Variants in TMEM18 observed in about 807,000 individuals in gnomAD.
The protein encoded by TMEM18 is transmembrane protein 18.
A neutral mutation model predicts 17.4 loss-of-function variants in TMEM18; 14 were observed. The observed-to-expected ratio is 0.80, with a 90% CI of 0.53 to 1.25. The LOEUF is 1.25. Among genes scored for constraint, TMEM18 ranks in the 50% most tolerant of loss-of-function variants. The pLI, the probability that TMEM18 is intolerant of heterozygous loss-of-function variation, is 0.00. For missense variants in TMEM18, 187 were observed against 172.1 expected (o/e 1.09, Z -0.48); for synonymous variants, 86 against 66.1 (o/e 1.30, Z -1.46).
At chr2:677,025 G>A (rs1250666396) in intron 1 of TMEM18, among the ~76,000 whole-genome samples, 1 of 105,160 alleles carries the variant, frequency 9.5e-6, no homozygotes, top group Non-Finnish European at 1.9e-5. Context: ...CAACGGCCCA[G>A]GACCCCGCCT....
chr2:673,136 C>T (rs916169787), intron 2 of TMEM18, among the ~76,000 whole-genome samples: 2 of 152,160 alleles, frequency 1.3e-5, no homozygotes, highest in African/African-American at 4.8e-5. Context: ...AGGAGCCGCC[C>T]GAGGCCCCAG....
chr2:671,442 C>T (rs1261063309), intron 3 of TMEM18, among the ~76,000 whole-genome samples: 60 of 71,896 alleles, frequency 8.3e-4, no homozygotes, highest in Non-Finnish European at 1.2e-3. Flanking sequence ...GCCCTGCATC[C>T]GGGAGGAGAG....
Position 664,618 on chromosome 2 carries a change from G to A in TMEM18, c.*4962C>T, listed in dbSNP as rs1279642585. ...TACTCAGAAAAGTTTCTTTTTTTAC[G>A]TTGCTACTTAGTGCAGACAAGGATT... On this transcript the variant is annotated 3_prime_UTR_variant, in exon 5 of 5. Transcript: ENST00000281017. Among the ~76,000 whole-genome samples the A allele has an allele frequency of 6.6e-6, 1 of 152,154 alleles. No homozygotes were observed. The highest frequency in any genetic ancestry group is 1.5e-5 in the Non-Finnish European group (1 of 68,022).
intron 1 of TMEM18, chr2:676,883 G>A: frequency 1.7e-6 from 1 of 581,412 alleles, no homozygotes; most frequent in Non-Finnish European, 3.1e-6. Context: ...CTCGCGCTCC[G>A]CCCACACAAC....
At chr2:676,597 G>A in intron 1 of TMEM18, 2 of 1,550,550 alleles carry the variant, frequency 1.3e-6, no homozygotes, top group Non-Finnish European at 1.7e-6. Context: ...GCACGGAGGT[G>A]AGGGGAGCAC....
rs1265334633 is a variant in TMEM18 at position 668,609 on chromosome 2, T to C, written c.*971A>G. On this transcript the variant is annotated 3_prime_UTR_variant, in exon 5 of 5. Transcript: ENST00000281017. ...ACAATGCACAATCAGTATTCCCTTATTGAACACCTATTTTTAAATATCTGG... is the reference window on the plus strand; with the variant it reads ...ACAATGCACAATCAGTATTCCCTTACTGAACACCTATTTTTAAATATCTGG... 1 of 152,260 alleles carries C rather than the reference T, an allele frequency of 6.6e-6. No individual in the cohort carries two copies. The highest frequency in any genetic ancestry group is 1.5e-5 in the Non-Finnish European group (1 of 68,044). The allele number at this position is 152,260 out of a possible 1,614,324, so 9.4% of individuals were successfully genotyped here. A position where few individuals can be genotyped will look rare whatever the true frequency, so the allele number is the denominator to read the frequency against.
rs181287525 is a variant in TMEM18 at position 665,391 on chromosome 2, T to C, written c.*4189A>G. Among the ~76,000 whole-genome samples the C allele has an allele frequency of 2.9e-4, 43 of 145,980 alleles. No individual in the cohort carries two copies. The highest frequency in any genetic ancestry group is 1.1e-3 in the African/African-American group (41 of 38,712). On this transcript the variant is annotated 3_prime_UTR_variant, in exon 5 of 5. Transcript: ENST00000281017. The stretch of plus-strand genomic sequence containing the variant: ...ATAAACTAGAACCCAGAGATGCAGA[T>C]GCCCCATTCACTCAGATAATCAACC...
rs568253871 is a variant in TMEM18, at chr2:665,282, C to G, written c.*4298G>C. Among the ~76,000 whole-genome samples, 1 of 151,914 alleles carries G rather than the reference C, an allele frequency of 6.6e-6. No individual in the cohort carries two copies. The highest frequency in any genetic ancestry group is 2.1e-4 in the South Asian group (1 of 4,810). ...GATCCAGAGATGCAGACACCCCACT[C>G]ACTCAGATAGAGAATCAACCCCACA... On this transcript the variant is annotated 3_prime_UTR_variant, in exon 5 of 5. Transcript: ENST00000281017.
chr2:673,974 A>G (rs1228423000), intron 2 of TMEM18, among the ~76,000 whole-genome samples: 1 of 152,124 alleles, frequency 6.6e-6, no homozygotes, highest in Non-Finnish European at 1.5e-5. Context: ...CTCCTCAGCT[A>G]TTCCTGAAAT....
Position 664,963 on chromosome 2 carries a change from A to G in TMEM18, c.*4617T>C, listed in dbSNP as rs1325397737. ...AAATAGCATCATGATAATAGGGACT[A>G]CATTACTTTATAGAAGATAGACTTA... On this transcript the variant is annotated 3_prime_UTR_variant, in exon 5 of 5. Transcript: ENST00000281017. Among the ~76,000 whole-genome samples, 1 of 152,256 alleles carries G rather than the reference A, an allele frequency of 6.6e-6. No homozygotes were observed. The highest frequency in any genetic ancestry group is 1.5e-5 in the Non-Finnish European group (1 of 68,044).
At chr2:672,339 C>T (rs1309818687) in intron 3 of TMEM18, among the ~76,000 whole-genome samples, 1 of 152,038 alleles carries the variant, frequency 6.6e-6, no homozygotes, top group Admixed American at 6.5e-5. Flanking sequence ...GGACGCAGGG[C>T]CAGGGCTGCC....
At chr2:674,077 T>C (rs1286397605) in intron 2 of TMEM18, among the ~76,000 whole-genome samples, 1 of 152,160 alleles carries the variant, frequency 6.6e-6, no homozygotes, top group Non-Finnish European at 1.5e-5. Flanking sequence ...CATGTTTCAT[T>C]TATAAAAATG....
rs1203194632 is a variant in TMEM18, at chr2:668,854, T to C, written c.*726A>G. The C allele has an allele frequency of 2.0e-5, 3 of 152,246 alleles. No individual in the cohort carries two copies. Among genetic ancestry groups the C allele is most frequent in the Non-Finnish European group, 2.9e-5 (2 of 68,044 alleles). 9.4% of individuals were successfully genotyped at this position (152,246 alleles called of 1,614,324 possible). ...TGGAGTGTTGACTTCAGGGCTTCCATTCTGTTTTCAGTAAAGCAGCCCATA... is the reference window on the plus strand; with the variant it reads ...TGGAGTGTTGACTTCAGGGCTTCCACTCTGTTTTCAGTAAAGCAGCCCATA... On this transcript the variant is annotated 3_prime_UTR_variant, in exon 5 of 5. Transcript: ENST00000281017.
intron 1 of TMEM18, chr2:676,716 C>T: frequency 7.1e-7 from 1 of 1,403,422 alleles, no homozygotes. Flanking sequence ...GCACGCCCCG[C>T]CCACACTGGG....
At position 669,517 on chromosome 2, in the gene TMEM18, TG is replaced by T; in HGVS notation, c.*62del. ...GGAAGGATGCCCACGCCACGCACAC[TG>T]CAGCACTGGGAGCTGCACTGGGTGG... On this transcript the variant is annotated 3_prime_UTR_variant, in exon 5 of 5. Transcript: ENST00000281017. 6.5e-7 allele frequency: 1 copy of T among 1,541,802 alleles called. No individual in the cohort carries two copies. The highest frequency in any genetic ancestry group is 8.9e-7 in the Non-Finnish European group (1 of 1,117,772).
chr2:676,702 C>G, intron 1 of TMEM18: 1 of 1,477,486 alleles, frequency 6.8e-7, no homozygotes, highest in Non-Finnish European at 9.2e-7. Flanking sequence ...GAACCCGGCA[C>G]GGCGCACGCC....
At position 664,006 on chromosome 2, in the gene TMEM18, T is replaced by C. The variant is rs1403190068; in HGVS notation, c.*5574A>G. ...TTCACAATTCCTAAGGTCCCCCTTT[T>C]TTTACCTGGATGCTTGAGCAAAAGG... On this transcript the variant is annotated 3_prime_UTR_variant, in exon 5 of 5. Transcript: ENST00000281017. Among the ~76,000 whole-genome samples the C allele has an allele frequency of 1.3e-5, 2 of 152,316 alleles. No homozygotes were observed. Among genetic ancestry groups the C allele is most frequent in the African/African-American group, 4.8e-5 (2 of 41,584 alleles).
rs571873849 is a variant in TMEM18, at chr2:668,522, G to C, written c.*1058C>G. On this transcript the variant is annotated 3_prime_UTR_variant, in exon 5 of 5. Coordinates refer to ENST00000281017, the MANE Select transcript of TMEM18 (RefSeq NM_152834.4). ...CAGGCTTGTCTAATCAAAGATAACT[G>C]TTCCAATTACATTTTGAATTGGTAA... The C allele has an allele frequency of 6.6e-6, 1 of 152,314 alleles. No individual in the cohort carries two copies. The highest frequency in any genetic ancestry group is 2.4e-5 in the African/African-American group (1 of 41,564). The allele number at this position is 152,314 out of a possible 1,614,324, so 9.4% of individuals were successfully genotyped here. A position where few individuals can be genotyped will look rare whatever the true frequency, so the allele number is the denominator to read the frequency against.
intron 1 of TMEM18, chr2:676,011 C>G: frequency 7.7e-7 from 1 of 1,304,764 alleles, no homozygotes; most frequent in Non-Finnish European, 1.0e-6. Flanking sequence ...TAATTGGTGA[C>G]GACAAGGAAA....
Sources: gnomAD v4.1 joint callset for allele counts (sites outside exome capture counted in the v4.1 genomes callset) on GRCh38, gnomAD v4.1.1 for gene constraint, MANE v1.5 for transcripts, NCBI Gene and HGNC (gene_info 2026-07-23, HGNC 2026-07-21) for gene names.